INTS10: variants seen among roughly 807,000 people sequenced by gnomAD.
INTS10 encodes the protein integrator complex subunit 10.
A neutral mutation model predicts 94.4 loss-of-function variants in INTS10; 44 were observed. That is an observed-to-expected ratio of 0.47 (90% confidence interval 0.37 to 0.60). The LOEUF is 0.60. Ranked by LOEUF, INTS10 falls within the 20% of genes least tolerant of loss-of-function variation. INTS10 has a pLI of 0.00. For missense variants in INTS10, 797 were observed against 868.7 expected (o/e 0.92, Z 1.04); for synonymous variants, 341 against 320.7 (o/e 1.06, Z -0.68).
intron 10 of INTS10, among the ~76,000 whole-genome samples, chr8:19,830,951 C>A (rs1411076207): frequency 6.6e-6 from 1 of 152,146 alleles, no homozygotes; most frequent in African/African-American, 2.4e-5. Context: ...GGATTACAGG[C>A]GTGAGCCACC....
intron 13 of INTS10, among the ~76,000 whole-genome samples, chr8:19,840,661 T>G (rs1415940099): frequency 6.6e-6 from 1 of 152,030 alleles, no homozygotes; most frequent in Admixed American, 6.5e-5. Flanking sequence ...ATCAAAGTAA[T>G]TCAATAAGGA....
chr8:19,851,576 A>T lies in INTS10; in HGVS notation c.1977-73A>T. ...TAGATATGGGGCAGGCTTTATTCCT[A>T]CCCAAGTAGCAGCGATCAGCGATGC... On this transcript the variant is annotated intron_variant, in intron 16 of 16. Coordinates refer to ENST00000397977, the MANE Select transcript of INTS10 (RefSeq NM_018142.4). The surrounding 1 kb of genome is among the most constrained non-coding windows in gnomAD (Gnocchi z 5.0). 1.4e-6 allele frequency: 2 copies of T among 1,396,304 alleles called. No individual in the cohort carries two copies. Among genetic ancestry groups the T allele is most frequent in the Non-Finnish European group, 2.0e-6 (2 of 988,104 alleles). The allele number at this position is 1,396,304 out of a possible 1,614,324, so 86.5% of individuals were successfully genotyped here.
chr8:19,824,923 T>C lies in INTS10; in HGVS notation c.957T>C (p.Phe319=), dbSNP rs1406509234. The change falls in exon 8 of 17, where the codon TTT becomes TTC. Residue 319 remains phenylalanine, a synonymous_variant. Transcript: ENST00000397977. ...QVVYSTMLVF[F]KNAFQYVNSI... ...TGTATTCCACCATGCTGGTCTTCTT[T>C]AAGAATGCATTCCAGTATGTCAACA... 1 of 1,613,990 alleles carries C rather than the reference T, an allele frequency of 6.2e-7. No homozygotes were observed. Among genetic ancestry groups the C allele is most frequent in the South Asian group, 1.1e-5 (1 of 91,020 alleles).
intron 13 of INTS10, among the ~76,000 whole-genome samples, chr8:19,840,106 G>C (rs573216521): frequency 1.1e-4 from 16 of 144,814 alleles, no homozygotes; most frequent in Admixed American, 2.8e-4. Flanking sequence ...AGACGTTTTA[G>C]TGTATAAAAA....
At position 19,833,156 on chromosome 8, in the gene INTS10, C is replaced by T. The variant is rs1174228040; in HGVS notation, c.1378-13C>T. On this transcript the variant is annotated splice_polypyrimidine_tract_variant and intron_variant, in intron 11 of 16. Coordinates refer to ENST00000397977, the MANE Select transcript of INTS10 (RefSeq NM_018142.4). ...CGATGCTTTTCCCCTCCTTGCTATT[C>T]TATCTTTCTTAGGGTCAATATAAAA... is the stretch of plus-strand genomic sequence containing the variant. 2 of 1,527,652 alleles carry T rather than the reference C, an allele frequency of 1.3e-6. No homozygotes were observed. Among genetic ancestry groups the T allele is most frequent in the Non-Finnish European group, 1.8e-6 (2 of 1,139,484 alleles). The allele number at this position is 1,527,652 out of a possible 1,614,324, so 94.6% of individuals were successfully genotyped here.
At chr8:19,835,647 G>T (rs1438296330) in intron 12 of INTS10, among the ~76,000 whole-genome samples, 1 of 152,158 alleles carries the variant, frequency 6.6e-6, no homozygotes, top group Non-Finnish European at 1.5e-5. Context: ...TGTGACATCG[G>T]TAGGTTACCT....
In INTS10 at chr8:19,817,648, G is replaced by T. The variant is rs757111862; in HGVS notation, c.111G>T (p.Pro37=). The T allele has an allele frequency of 3.1e-6, 5 of 1,606,968 alleles. No individual in the cohort carries two copies. Among genetic ancestry groups the T allele is most frequent in the East Asian group, 2.2e-5 (1 of 44,618 alleles). Residue 37 remains proline (P), a synonymous_variant, in exon 1 of 17, where the codon CCG becomes CCT. Coordinates refer to ENST00000397977, the MANE Select transcript of INTS10 (RefSeq NM_018142.4). The part of the protein sequence containing the change: ...AWLITARSLY[P]ADFNIQYEMY... ...TGATCACGGCCCGCAGCCTCTACCC[G>T]GCAGACTTTAACATCCAGGTGAGGT...
intron 12 of INTS10, among the ~76,000 whole-genome samples, chr8:19,834,085 G>C (rs2128783654): frequency 6.6e-6 from 1 of 151,950 alleles, no homozygotes; most frequent in South Asian, 2.1e-4. Context: ...GAGGTTTCAA[G>C]CCCTTCCTAC....
Position 19,844,130 on chromosome 8 carries a change from T to C in INTS10, c.1774T>C (p.Leu592=). The change falls in exon 15 of 17, where the codon TTG becomes CTG. Residue 592 remains leucine, a synonymous_variant. Transcript: ENST00000397977. ...CATGGCATTGGGGCATGTGATTGTGTTGCTTCAGCAAGAGTGGCCACGGGG... is the reference window on the plus strand; with the variant it reads ...CATGGCATTGGGGCATGTGATTGTGCTGCTTCAGCAAGAGTGGCCACGGGG... ...DDMALGHVIV[L]LQQEWPRGEN... is the part of the protein sequence containing the mutation. 1 of 1,614,062 alleles carries C rather than the reference T, an allele frequency of 6.2e-7. No homozygotes were observed. The highest frequency in any genetic ancestry group is 8.5e-7 in the Non-Finnish European group (1 of 1,179,916).
intron 4 of INTS10, 117 bp from the exon 5 acceptor site, chr8:19,822,322 C>T: frequency 3.5e-6 from 2 of 578,374 alleles, no homozygotes; most frequent in Non-Finnish European, 6.1e-6. Flanking sequence ...TTATTTGTTT[C>T]TCAGATAAGT....
intron 3 of INTS10, 67 bp downstream of exon 3, chr8:19,819,743 A>C: frequency 4.1e-6 from 5 of 1,228,526 alleles, no homozygotes; most frequent in Non-Finnish European, 4.7e-6. Flanking sequence ...TTTCACACAC[A>C]AAAAAGTCAC....
chr8:19,822,343 A>G (rs1471519952), intron 4 of INTS10, 96 bp from the exon 5 acceptor site: 1 of 656,470 alleles, frequency 1.5e-6, no homozygotes, highest in East Asian at 2.8e-5. Flanking sequence ...TTGATTATGC[A>G]AACTGTGATA....
chr8:19,823,598 G>A (rs997122218), intron 6 of INTS10, 157 bp downstream of exon 6: 9 of 650,694 alleles, frequency 1.4e-5, no homozygotes, highest in Non-Finnish European at 2.3e-5. Context: ...AAAAGATGAG[G>A]CTTTTCTGGA....
At chr8:19,832,338 G>A (rs1484292976) in intron 11 of INTS10, among the ~76,000 whole-genome samples, 1 of 152,140 alleles carries the variant, frequency 6.6e-6, no homozygotes, top group Non-Finnish European at 1.5e-5. Flanking sequence ...TTGGGAGGCC[G>A]AGGTGGGAGG....
chr8:19,818,389 T>A, intron 2 of INTS10, 47 bp downstream of exon 2: 1 of 1,576,776 alleles, frequency 6.3e-7, no homozygotes, highest in Non-Finnish European at 8.7e-7. Context: ...AATCTCTCCA[T>A]GAGGTTTTGT....
rs150996769 is a variant in INTS10, at chr8:19,829,048, G to A, written c.1141-1358G>A. On this transcript the variant is annotated intron_variant, in intron 9 of 16. Transcript: ENST00000397977. ...GAGGGAGGTGCTGACAGCTTCCTGC[G>A]CACCTTACCTGAGATGAGCTTGAGG... Among the ~76,000 whole-genome samples, 5 of 152,270 alleles carry A rather than the reference G, an allele frequency of 3.3e-5. No individual in the cohort carries two copies. In the South Asian group the frequency reaches 6.2e-4, roughly 19 times the overall value.
At chr8:19,844,294 C>T in intron 15 of INTS10, 56 bp downstream of exon 15, 1 of 1,249,044 alleles carries the variant, frequency 8.0e-7, no homozygotes, top group Admixed American at 2.1e-5. Flanking sequence ...AGAATGAATA[C>T]ATGATAGAAA....
intron 7 of INTS10, chr8:19,824,506 A>AAAAGAAAAAC (rs1279595087): frequency 7.6e-6 from 2 of 263,564 alleles, no homozygotes; most frequent in African/African-American, 4.5e-5. Context: ...AAAGAAAAAA[A>AAAAGAAAAAC]AAAAGAAAAA....
rs770694838 is a variant in INTS10 at position 19,817,561 on chromosome 8, G to C, written c.24G>C (p.Glu8Asp). MSAQGDC[E>D]FLVQRARELV... ...TCATGTCTGCCCAGGGGGACTGCGA[G>C]TTCCTGGTGCAGCGAGCCCGGGAGT... The change falls in exon 1 of 17, where the codon GAG becomes GAC. Residue 8 changes from glutamate to aspartate, a missense_variant. This residue lies in a region of INTS10 where 734 missense variants were observed against 787.8 expected (regional missense o/e 0.93). Transcript: ENST00000397977. The C allele has an allele frequency of 3.7e-6, 6 of 1,609,036 alleles. No individual in the cohort carries two copies. The highest frequency in any genetic ancestry group is 5.1e-6 in the Non-Finnish European group (6 of 1,178,486).
Sources: gnomAD v4.1 joint callset for allele counts (sites outside exome capture counted in the v4.1 genomes callset) on GRCh38, gnomAD v4.1.1 for gene constraint, gnomAD v4.1.1 regional missense constraint, Gnocchi (gnomAD v3.1) non-coding constraint, MANE v1.5 for transcripts, NCBI Gene and HGNC (gene_info 2026-07-23, HGNC 2026-07-21) for gene names.